AKT3: variants seen among roughly 807,000 people sequenced by gnomAD.
The protein encoded by AKT3 is AKT serine/threonine kinase 3.
A neutral mutation model predicts 65.3 loss-of-function variants in AKT3; 15 were observed. That is an observed-to-expected ratio of 0.23 (90% CI 0.15 to 0.35). AKT3 has a LOEUF of 0.35. Ranked by LOEUF, AKT3 falls within the 10% of genes least tolerant of loss-of-function variation. AKT3 has a pLI of 1.00. For missense variants in AKT3, 243 were observed against 576.5 expected, an observed-to-expected ratio of 0.42 and a Z score of 5.92; for synonymous variants, 206 against 183.8, an observed-to-expected ratio of 1.12 and a Z score of -0.98.
chr1:243,749,564 CCT>C (rs754884828), intron 2 of AKT3, among the ~76,000 whole-genome samples: 1 of 152,066 alleles, frequency 6.6e-6, no homozygotes, highest in African/African-American at 2.4e-5. Flanking sequence ...AGAACTAACC[CCT>C]CTTTCTTGTG....
intron 2 of AKT3, among the ~76,000 whole-genome samples, chr1:243,703,237 T>C (rs1481757151): frequency 6.6e-6 from 1 of 152,058 alleles, no homozygotes; most frequent in African/African-American, 2.4e-5. Flanking sequence ...AAATACTGTA[T>C]AGTCCATAAT....
intron 6 of AKT3, among the ~76,000 whole-genome samples, chr1:243,631,615 A>G (rs982149928): frequency 6.6e-6 from 1 of 152,202 alleles, no homozygotes; most frequent in Non-Finnish European, 1.5e-5. Flanking sequence ...TGAGAAAACA[A>G]TGAAGTTTCC....
At chr1:243,709,744 T>C (rs1332601552) in intron 2 of AKT3, among the ~76,000 whole-genome samples, 1 of 151,986 alleles carries the variant, frequency 6.6e-6, no homozygotes, top group Non-Finnish European at 1.5e-5. Flanking sequence ...TAAATATATA[T>C]ACTTACGTTT....
chr1:243,704,786 C>T (rs374008313), intron 2 of AKT3, among the ~76,000 whole-genome samples: 23 of 152,206 alleles, frequency 1.5e-4, no homozygotes, highest in African/African-American at 4.1e-4. Flanking sequence ...CACATCTTTA[C>T]GTTTCAGGTT....
intron 10 of AKT3, among the ~76,000 whole-genome samples, chr1:243,555,092 A>G (rs913889016): frequency 2.6e-5 from 4 of 152,204 alleles, no homozygotes; most frequent in Non-Finnish European, 5.9e-5. Context: ...GCCTCTGAAC[A>G]TACGTGCCTT....
intron 2 of AKT3, among the ~76,000 whole-genome samples, chr1:243,733,703 T>C (rs993213666): frequency 4.6e-5 from 7 of 152,318 alleles, no homozygotes; most frequent in African/African-American, 1.7e-4. Flanking sequence ...CCAGCTCATA[T>C]AAAAGTTATA....
chr1:243,759,780 A>G (rs1485166966), intron 2 of AKT3, among the ~76,000 whole-genome samples: 1 of 152,198 alleles, frequency 6.6e-6, no homozygotes, highest in Non-Finnish European at 1.5e-5. Context: ...ATCACAAGGC[A>G]GGAGAAATTA....
chr1:243,541,710 A>C (rs1320038016), intron 12 of AKT3, among the ~76,000 whole-genome samples: 4 of 152,222 alleles, frequency 2.6e-5, no homozygotes, highest in African/African-American at 9.6e-5. Context: ...TAGCCAATAC[A>C]GCAAGGCAAA....
intron 9 of AKT3, among the ~76,000 whole-genome samples, chr1:243,564,126 C>G (rs1673989754): frequency 6.6e-6 from 1 of 151,964 alleles, no homozygotes. Context: ...GAAATTAAAG[C>G]CTAATCAACT....
At chr1:243,604,791 T>A (rs944580862) in intron 8 of AKT3, among the ~76,000 whole-genome samples, 1 of 152,218 alleles carries the variant, frequency 6.6e-6, no homozygotes, top group Non-Finnish European at 1.5e-5. Flanking sequence ...AAAAATAGTA[T>A]GTTTTCCTTA....
At chr1:243,519,955 T>C (rs1670607494) in intron 12 of AKT3, among the ~76,000 whole-genome samples, 1 of 152,136 alleles carries the variant, frequency 6.6e-6, no homozygotes, top group Non-Finnish European at 1.5e-5. Context: ...AGAAATAAAG[T>C]TTATATTTTC....
Position 243,843,124 on chromosome 1 carries a change from C to A in AKT3, c.46+1G>T. ...TTATTTTTGGTTTGCGGAGCACTTACCCCTCTTCTGAACCCAACCTTCTTT... is the reference window on the plus strand; with the variant it reads ...TTATTTTTGGTTTGCGGAGCACTTAACCCTCTTCTGAACCCAACCTTCTTT... On this transcript the variant is annotated splice_donor_variant, in intron 2 of 13. Transcript: ENST00000673466. LOFTEE classifies it high-confidence loss of function. 6.2e-7 allele frequency: 1 copy of A among 1,613,946 alleles called. No homozygotes were observed. The highest frequency in any genetic ancestry group is 8.5e-7 in the Non-Finnish European group (1 of 1,179,908).
intron 4 of AKT3, among the ~76,000 whole-genome samples, chr1:243,664,562 T>C (rs1000518852): frequency 6.6e-6 from 1 of 152,160 alleles, no homozygotes; most frequent in Non-Finnish European, 1.5e-5. Context: ...TCTGAAAGTA[T>C]ATCTTCTAGC....
intron 8 of AKT3, among the ~76,000 whole-genome samples, chr1:243,611,877 G>A (rs1274436043): frequency 6.6e-6 from 1 of 152,042 alleles, no homozygotes; most frequent in Non-Finnish European, 1.5e-5. Context: ...TCAATTCCCT[G>A]GGTGAAATCT....
At chr1:243,695,513 T>C in intron 3 of AKT3, 78 bp downstream of exon 3, 1 of 1,351,428 alleles carries the variant, frequency 7.4e-7, no homozygotes, top group Non-Finnish European at 9.9e-7. Flanking sequence ...AGGTTTCTCA[T>C]ATAGCCTAAG....
chr1:243,789,604 G>C (rs1691489770), intron 2 of AKT3, among the ~76,000 whole-genome samples: 1 of 151,938 alleles, frequency 6.6e-6, no homozygotes, highest in Non-Finnish European at 1.5e-5. Flanking sequence ...CCAAACTCTT[G>C]TTAATGCTGA....
At chr1:243,746,730 G>A (rs1688491364) in intron 2 of AKT3, among the ~76,000 whole-genome samples, 1 of 152,162 alleles carries the variant, frequency 6.6e-6, no homozygotes, top group African/African-American at 2.4e-5. Flanking sequence ...TAGTTTATTA[G>A]AGACAGAGAG....
At chr1:243,847,405 G>C (rs1377899530) in intron 1 of AKT3, among the ~76,000 whole-genome samples, 3 of 151,982 alleles carry the variant, frequency 2.0e-5, no homozygotes, top group Non-Finnish European at 4.4e-5. Context: ...ACAAATTCTT[G>C]AACTAAAAGA....
chr1:243,730,188 A>T (rs1687460842), intron 2 of AKT3, among the ~76,000 whole-genome samples: 1 of 152,196 alleles, frequency 6.6e-6, no homozygotes, highest in South Asian at 2.1e-4. Flanking sequence ...CCTCCTGCCC[A>T]GGGACCAATC....
Sources: gnomAD v4.1 joint callset for allele counts (sites outside exome capture counted in the v4.1 genomes callset) on GRCh38, gnomAD v4.1.1 for gene constraint, MANE v1.5 for transcripts, NCBI Gene and HGNC (gene_info 2026-07-23, HGNC 2026-07-21) for gene names.